The following ADAMTS17 variants were observed in gnomAD, a reference collection of about 807,000 sequenced individuals.
The protein encoded by ADAMTS17 is ADAM metallopeptidase with thrombospondin type 1 motif 17.
In ADAMTS17, 113 loss-of-function variants were observed where a neutral mutation model predicts 141.5. The observed-to-expected ratio is 0.80, with a 90% CI of 0.69 to 0.93. The LOEUF is 0.93. Ranked by LOEUF, ADAMTS17 falls within the 40% of genes least tolerant of loss-of-function variation. ADAMTS17 has a pLI of 0.00. For synonymous variants in ADAMTS17, 768 were observed against 630.6 expected (o/e 1.22, Z -3.27); for missense variants, 1,659 against 1,517.9 (o/e 1.09, Z -1.54).
At chr15:100,106,003 T>C (rs1324593005) in intron 14 of ADAMTS17, among the ~76,000 whole-genome samples, 1 of 70,412 alleles carries the variant, frequency 1.4e-5, no homozygotes, top group Non-Finnish European at 3.3e-5. Flanking sequence ...AAGAAAATGA[T>C]TTTTTTTTTT....
intron 3 of ADAMTS17, among the ~76,000 whole-genome samples, chr15:100,285,284 T>A (rs1255281712): frequency 2.0e-5 from 3 of 152,262 alleles, no homozygotes; most frequent in Non-Finnish European, 4.4e-5. Flanking sequence ...AATTACAATT[T>A]ACTCTAGACG....
At chr15:100,205,523 C>T (rs1047569997) in intron 7 of ADAMTS17, among the ~76,000 whole-genome samples, 3 of 152,168 alleles carry the variant, frequency 2.0e-5, no homozygotes, top group Non-Finnish European at 4.4e-5. Flanking sequence ...GGGAGGGGTT[C>T]TCCAGGGAGC....
chr15:100,254,162 T>C lies in ADAMTS17; in HGVS notation c.1049A>G (p.His350Arg). 1 of 1,613,364 alleles carries C rather than the reference T, an allele frequency of 6.2e-7. No individual in the cohort carries two copies. The highest frequency in any genetic ancestry group is 8.5e-7 in the Non-Finnish European group (1 of 1,179,328). The change falls in exon 7 of 22, where the codon CAC becomes CGC. Residue 350 changes from histidine (H) to arginine (R), a missense_variant. Coordinates refer to ENST00000268070, the MANE Select transcript of ADAMTS17 (RefSeq NM_139057.4). ...VFVTRTDFCV[H>R]KDEPCDTVGI... is the part of the protein sequence containing the mutation. ...AACAGTGTCACACGGTTCATCCTTG[T>C]GTACACAGAAATCTGTCCTAAAAAA...
At chr15:100,058,654 C>G (rs567182201) in intron 15 of ADAMTS17, among the ~76,000 whole-genome samples, 1 of 152,130 alleles carries the variant, frequency 6.6e-6, no homozygotes, top group Non-Finnish European at 1.5e-5. Flanking sequence ...ATCGGAGGCC[C>G]GACACTGGGC....
intron 20 of ADAMTS17, chr15:99,978,910 C>T (rs2060423528): frequency 6.6e-6 from 1 of 152,254 alleles, no homozygotes; most frequent in African/African-American, 2.4e-5. Context: ...TTAACCTGAA[C>T]CTCCTCTCAG....
At chr15:100,204,984 G>A (rs1210495663) in intron 7 of ADAMTS17, among the ~76,000 whole-genome samples, 6 of 152,212 alleles carry the variant, frequency 3.9e-5, no homozygotes, top group African/African-American at 1.4e-4. Flanking sequence ...CAGTTTGTTG[G>A]TTTGTGTGTT....
intron 3 of ADAMTS17, among the ~76,000 whole-genome samples, chr15:100,299,580 C>A (rs745872028): frequency 6.6e-6 from 1 of 151,794 alleles, no homozygotes. Context: ...AATGTGTTCA[C>A]GTTTCAACCA....
chr15:100,053,718 C>A (rs2032322788), intron 16 of ADAMTS17, among the ~76,000 whole-genome samples, 179 bp downstream of exon 16: 1 of 152,088 alleles, frequency 6.6e-6, no homozygotes, highest in Non-Finnish European at 1.5e-5. Flanking sequence ...GTGCAAGGGA[C>A]TGGAAAAGAA....
chr15:100,049,058 A>G (rs984682572), intron 17 of ADAMTS17, 66 bp from the exon 18 acceptor site: 3 of 1,612,626 alleles, frequency 1.9e-6, no homozygotes, highest in Non-Finnish European at 2.5e-6. Context: ...CTGGGCTTGC[A>G]TGCCCATGAA....
In ADAMTS17 at chr15:100,008,253, T is replaced by TG. The variant is rs937156582; in HGVS notation, c.2592-10665dup. ...GTGCCTGGGAGTCGGAGGGGGTGTG[T>TG]GGGGGCCTGTGAGCCTCTGGCCTAG... On this transcript the variant is annotated intron_variant, in intron 18 of 21. Coordinates refer to ENST00000268070, the MANE Select transcript of ADAMTS17 (RefSeq NM_139057.4). Among the ~76,000 whole-genome samples the TG allele has an allele frequency of 9.9e-5, 15 of 151,732 alleles. 1 individual carries two copies. The highest frequency in any genetic ancestry group is 3.4e-4 in the African/African-American group (14 of 41,358).
rs575050362 is a variant in ADAMTS17 at position 100,281,388 on chromosome 15, C to T, written c.630G>A (p.Pro210=). ...AGTCCCGCGAAGGCCTGCCCCACGT[C>T]GGCTTCTTCTTTTCTAGAAAATGAT... is the stretch of plus-strand genomic sequence containing the variant. The part of the protein sequence containing the change: ...LCKVLTEKKK[P]TWGRPSRDWR... The change falls in exon 4 of 22, where the codon CCG becomes CCA. Residue 210 remains proline (P), a synonymous_variant. Coordinates refer to ENST00000268070, the MANE Select transcript of ADAMTS17 (RefSeq NM_139057.4). 9 of 1,612,456 alleles carry T rather than the reference C, an allele frequency of 5.6e-6. No homozygotes were observed. Among genetic ancestry groups the T allele is most frequent in the African/African-American group, 1.3e-5 (1 of 74,924 alleles).
rs553188802 is a variant in ADAMTS17, at chr15:99,993,687, G to A, written c.2797-487C>T. On this transcript the variant is annotated intron_variant, in intron 19 of 21. Transcript: ENST00000268070. The surrounding 1 kb of genome is among the most constrained non-coding windows in gnomAD (Gnocchi z 4.3). ...CTGGGACAAACTCCTCGATCCAGCC[G>A]GGAGAAGGAGGAGGAGGCGGCAGAA... is the stretch of plus-strand genomic sequence containing the variant. Among the ~76,000 whole-genome samples, 108 of 152,268 alleles carry A rather than the reference G, an allele frequency of 7.1e-4. 2 individuals are homozygous for A. The South Asian group carries it at 0.019, about 27-fold the overall frequency.
At chr15:100,187,715 A>G (rs2040770285) in intron 8 of ADAMTS17, among the ~76,000 whole-genome samples, 1 of 152,146 alleles carries the variant, frequency 6.6e-6, no homozygotes, top group African/African-American at 2.4e-5. Flanking sequence ...TATTTCACCA[A>G]AAGGGCAGCC....
At chr15:100,120,758 A>G (rs1246407802) in intron 12 of ADAMTS17, among the ~76,000 whole-genome samples, 1 of 152,238 alleles carries the variant, frequency 6.6e-6, no homozygotes, top group Non-Finnish European at 1.5e-5. Context: ...GGTACAATCT[A>G]TTTCTAGAGT....
At chr15:100,148,721 C>A (rs138135513) in intron 10 of ADAMTS17, among the ~76,000 whole-genome samples, 3 of 151,462 alleles carry the variant, frequency 2.0e-5, no homozygotes, top group African/African-American at 7.3e-5. Flanking sequence ...CTTCATGTTT[C>A]TTGTGAATTA....
At chr15:100,254,685 T>C (rs1361444405) in intron 6 of ADAMTS17, among the ~76,000 whole-genome samples, 7 of 152,210 alleles carry the variant, frequency 4.6e-5, no homozygotes, top group Non-Finnish European at 1.5e-5. Context: ...TGAGATCATG[T>C]TCTTTGCAGG....
chr15:100,182,377 G>A (rs577099787), intron 8 of ADAMTS17, among the ~76,000 whole-genome samples: 155 of 152,268 alleles, frequency 1.0e-3, no homozygotes, highest in Non-Finnish European at 1.8e-3. Flanking sequence ...GGGATTACGC[G>A]ATTACAATTT....
intron 3 of ADAMTS17, among the ~76,000 whole-genome samples, chr15:100,301,036 G>A (rs1349887290): frequency 6.6e-6 from 1 of 152,198 alleles, no homozygotes; most frequent in Non-Finnish European, 1.5e-5. Context: ...TGCCTAGCAT[G>A]CAGTGGATAT....
At chr15:100,127,021 T>C (rs928790854) in intron 12 of ADAMTS17, among the ~76,000 whole-genome samples, 2 of 152,000 alleles carry the variant, frequency 1.3e-5, no homozygotes, top group Non-Finnish European at 2.9e-5. Context: ...TGAGAAGACA[T>C]TTACACTAAC....
Sources: gnomAD v4.1 joint callset for allele counts (sites outside exome capture counted in the v4.1 genomes callset) on GRCh38, gnomAD v4.1.1 for gene constraint, Gnocchi (gnomAD v3.1) non-coding constraint, MANE v1.5 for transcripts, NCBI Gene and HGNC (gene_info 2026-07-23, HGNC 2026-07-21) for gene names.